Variants in SLC9A9 observed in about 807,000 individuals in gnomAD.
SLC9A9 encodes the protein solute carrier family 9 member A9, also known as sodium/hydrogen exchanger 9.
In SLC9A9, 62 loss-of-function variants were observed where a neutral mutation model predicts 77.8. That is an observed-to-expected ratio of 0.80 (90% confidence interval 0.65 to 0.98). SLC9A9 has a LOEUF of 0.98. Ranked by LOEUF, SLC9A9 falls within the 50% of genes least tolerant of loss-of-function variation. SLC9A9 has a pLI of 0.00. For missense variants in SLC9A9, 775 were observed against 774.9 expected (o/e 1.00, Z 0.00); for synonymous variants, 320 against 283.5 (o/e 1.13, Z -1.29).
chr3:143,372,538 A>G (rs2033080622), intron 13 of SLC9A9, among the ~76,000 whole-genome samples: 1 of 152,022 alleles, frequency 6.6e-6, no homozygotes, highest in Non-Finnish European at 1.5e-5. Context: ...CCTAGGAAAA[A>G]CTCTTCTGGA....
At chr3:143,782,924 C>A (rs546586633) in intron 4 of SLC9A9, among the ~76,000 whole-genome samples, 2 of 152,074 alleles carry the variant, frequency 1.3e-5, no homozygotes, top group Non-Finnish European at 2.9e-5. Flanking sequence ...TTGATAGTTG[C>A]CCATGATGGC....
At chr3:143,359,783 T>C (rs964820888) in intron 14 of SLC9A9, among the ~76,000 whole-genome samples, 1 of 152,214 alleles carries the variant, frequency 6.6e-6, no homozygotes, top group African/African-American at 2.4e-5. Flanking sequence ...GTCCACCTCC[T>C]ATTAGACTGA....
chr3:143,685,353 G>A (rs376796535), intron 5 of SLC9A9, among the ~76,000 whole-genome samples: 10 of 151,944 alleles, frequency 6.6e-5, no homozygotes, highest in South Asian at 6.2e-4. Flanking sequence ...CATGTATCTC[G>A]TAAGTATCAT....
At chr3:143,475,514 C>T (rs925448635) in intron 11 of SLC9A9, among the ~76,000 whole-genome samples, 23 of 151,478 alleles carry the variant, frequency 1.5e-4, no homozygotes, top group Non-Finnish European at 2.8e-4. Context: ...AATTAGAGGC[C>T]GGGTGCAGTG....
chr3:143,282,874 T>A (rs941811109), intron 14 of SLC9A9, among the ~76,000 whole-genome samples: 15 of 152,242 alleles, frequency 9.9e-5, no homozygotes, highest in African/African-American at 3.6e-4. Flanking sequence ...TAGTCAGACA[T>A]AATCCTAATG....
intron 11 of SLC9A9, among the ~76,000 whole-genome samples, chr3:143,477,065 A>T (rs905499516): frequency 2.7e-4 from 41 of 152,290 alleles, no homozygotes; most frequent in African/African-American, 9.4e-4. Flanking sequence ...CTATCTATCC[A>T]CCAAAATCTA....
intron 12 of SLC9A9, among the ~76,000 whole-genome samples, chr3:143,406,993 AAAAG>A: frequency 6.6e-6 from 1 of 151,512 alleles, no homozygotes; most frequent in Non-Finnish European, 1.5e-5. Context: ...AAAAAAAAAA[AAAAG>A]AAAAAGAAAA....
At chr3:143,564,619 C>G (rs1266634865) in intron 8 of SLC9A9, among the ~76,000 whole-genome samples, 1 of 152,094 alleles carries the variant, frequency 6.6e-6, no homozygotes, top group Non-Finnish European at 1.5e-5. Flanking sequence ...TGGAAAACTC[C>G]TTCAGGCAAT....
chr3:143,738,337 C>T (rs1462320680), intron 4 of SLC9A9, among the ~76,000 whole-genome samples: 1 of 152,148 alleles, frequency 6.6e-6, no homozygotes, highest in Non-Finnish European at 1.5e-5. Context: ...CATTAATTCC[C>T]TCACTCTCTG....
intron 4 of SLC9A9, among the ~76,000 whole-genome samples, chr3:143,701,851 C>T (rs1933810017): frequency 6.6e-6 from 1 of 152,078 alleles, no homozygotes; most frequent in East Asian, 1.9e-4. Context: ...AAGAAGACTG[C>T]CTCAAGGCAT....
chr3:143,276,656 A>T (rs1938057776), intron 14 of SLC9A9, among the ~76,000 whole-genome samples: 1 of 151,510 alleles, frequency 6.6e-6, no homozygotes, highest in South Asian at 2.1e-4. Context: ...GGAACTGTCC[A>T]TGAGTCAAAC....
intron 12 of SLC9A9, among the ~76,000 whole-genome samples, chr3:143,466,340 C>T (rs2035279537): frequency 6.6e-6 from 1 of 152,250 alleles, no homozygotes; most frequent in Non-Finnish European, 1.5e-5. Context: ...GTCACAAGAA[C>T]ATTAAACAAA....
chr3:143,592,136 A>G (rs890987105), intron 6 of SLC9A9, among the ~76,000 whole-genome samples: 4 of 152,384 alleles, frequency 2.6e-5, no homozygotes, highest in East Asian at 1.9e-4. Flanking sequence ...TGACAGTAGA[A>G]CAAGGAGGGA....
intron 12 of SLC9A9, among the ~76,000 whole-genome samples, chr3:143,451,634 T>A (rs1525008): frequency 0.77 from 117,295 of 151,784 alleles, 46,497 homozygotes; most frequent in East Asian, 1. Flanking sequence ...TAACCAAAAA[T>A]AAAGGAGAAA....
intron 4 of SLC9A9, among the ~76,000 whole-genome samples, chr3:143,762,112 G>A (rs1036745273): frequency 6.6e-6 from 1 of 151,974 alleles, no homozygotes; most frequent in Non-Finnish European, 1.5e-5. Flanking sequence ...AACACCGCAT[G>A]TTCTCACTCA....
At chr3:143,751,363 C>G (rs145920256) in intron 4 of SLC9A9, among the ~76,000 whole-genome samples, 1 of 152,184 alleles carries the variant, frequency 6.6e-6, no homozygotes, top group African/African-American at 2.4e-5. Context: ...TTATTCCCCC[C>G]ACTGCGGCAA....
chr3:143,669,520 A>G (rs554543731), intron 5 of SLC9A9, among the ~76,000 whole-genome samples: 1 of 152,260 alleles, frequency 6.6e-6, no homozygotes, highest in East Asian at 1.9e-4. Context: ...TCCACTTTCA[A>G]CATCCTGAAG....
chr3:143,544,254 G>T (rs764216205), intron 9 of SLC9A9, among the ~76,000 whole-genome samples: 2 of 151,830 alleles, frequency 1.3e-5, no homozygotes, highest in East Asian at 1.9e-4. Flanking sequence ...TGAGACGGAG[G>T]CTCGCTCTGT....
At chr3:143,595,951 C>A (rs1433129915) in intron 6 of SLC9A9, among the ~76,000 whole-genome samples, 1 of 152,110 alleles carries the variant, frequency 6.6e-6, no homozygotes. Flanking sequence ...TTAAAATAAT[C>A]CCTAGTGGCT....
Sources: gnomAD v4.1 joint callset for allele counts (sites outside exome capture counted in the v4.1 genomes callset) on GRCh38, gnomAD v4.1.1 for gene constraint, MANE v1.5 for transcripts, NCBI Gene and HGNC (gene_info 2026-07-23, HGNC 2026-07-21) for gene names.